Variants in SNTG1 observed in about 807,000 individuals in gnomAD.
SNTG1 encodes gamma-1-syntrophin.
Under a neutral mutation model 74.7 loss-of-function variants are expected in SNTG1, and 39 were observed. That is an observed-to-expected ratio of 0.52 (90% CI 0.40 to 0.68). SNTG1 has a LOEUF of 0.68. SNTG1 is among the 30% of genes least tolerant of loss of function. The probability of loss-of-function intolerance (pLI) is 0.00; values close to 1 mark genes in which losing one functional copy is unlikely to be tolerated. For synonymous variants in SNTG1, 254 were observed against 217.1 expected, an observed-to-expected ratio of 1.17 and a Z score of -1.49; for missense variants, 685 against 609.5, an observed-to-expected ratio of 1.12 and a Z score of -1.30.
intron 17 of SNTG1, 182 bp downstream of exon 17, chr8:50,709,160 AACATATGTAGTACC>A: frequency 1.7e-6 from 1 of 579,808 alleles, no homozygotes; most frequent in Non-Finnish European, 3.1e-6. Context: ...TTTTTAATAA[AACATATGTAGTACC>A]ACAAAACTAT....
chr8:50,513,188 C>A (rs927924567), intron 9 of SNTG1, among the ~76,000 whole-genome samples: 1 of 152,196 alleles, frequency 6.6e-6, no homozygotes, highest in Non-Finnish European at 1.5e-5. Flanking sequence ...CCACTCCAGA[C>A]CCTGTTTGCC....
intron 2 of SNTG1, among the ~76,000 whole-genome samples, chr8:50,234,386 G>A (rs969804831): frequency 6.6e-6 from 1 of 151,852 alleles, no homozygotes; most frequent in Non-Finnish European, 1.5e-5. Context: ...AGGGGTGTGT[G>A]TGTAACTATA....
chr8:50,155,136 T>C (rs2082212629), intron 1 of SNTG1, among the ~76,000 whole-genome samples: 1 of 152,208 alleles, frequency 6.6e-6, no homozygotes, highest in South Asian at 2.1e-4. Context: ...CCACCATGCT[T>C]GAAACAAAGT....
At chr8:50,025,020 C>A (rs927740574) in intron 1 of SNTG1, among the ~76,000 whole-genome samples, 1 of 152,038 alleles carries the variant, frequency 6.6e-6, no homozygotes, top group Non-Finnish European at 1.5e-5. Flanking sequence ...AAAACCTTAG[C>A]AAGTGAAACT....
intron 10 of SNTG1, among the ~76,000 whole-genome samples, chr8:50,530,600 T>G (rs180720348): frequency 5.9e-4 from 90 of 152,322 alleles, no homozygotes; most frequent in Admixed American, 9.8e-4. Flanking sequence ...TTTTTTCTTT[T>G]GAAATTACTT....
At chr8:50,356,842 A>G (rs1326864830) in intron 2 of SNTG1, among the ~76,000 whole-genome samples, 1 of 152,170 alleles carries the variant, frequency 6.6e-6, no homozygotes, top group Non-Finnish European at 1.5e-5. Flanking sequence ...TTCATAATGT[A>G]GAAATAACTC....
chr8:49,952,744 C>A (rs1042295068), intron 1 of SNTG1, among the ~76,000 whole-genome samples: 2 of 152,154 alleles, frequency 1.3e-5, no homozygotes, highest in African/African-American at 4.8e-5. Context: ...CAGATAGATG[C>A]TGGCAGATTT....
chr8:50,413,741 C>T (rs994360533), intron 4 of SNTG1, among the ~76,000 whole-genome samples: 4 of 152,264 alleles, frequency 2.6e-5, no homozygotes, highest in South Asian at 4.1e-4. Flanking sequence ...CATTTTCTTA[C>T]GTTTTTTCAT....
At chr8:50,570,184 A>G (rs1267386949) in intron 12 of SNTG1, among the ~76,000 whole-genome samples, 5 of 144,826 alleles carry the variant, frequency 3.5e-5, no homozygotes, top group Non-Finnish European at 7.7e-5. Flanking sequence ...TCCTTCGGAT[A>G]TATACTCACT....
chr8:50,340,445 C>T (rs1473040485), intron 2 of SNTG1, among the ~76,000 whole-genome samples: 1 of 151,894 alleles, frequency 6.6e-6, no homozygotes, highest in African/African-American at 2.4e-5. Flanking sequence ...TTGATCTTGA[C>T]AAAGGAGCAA....
chr8:50,097,593 A>G (rs547244553), intron 1 of SNTG1, among the ~76,000 whole-genome samples: 106 of 150,106 alleles, frequency 7.1e-4, no homozygotes, highest in African/African-American at 2.2e-3. Context: ...CGGAGCTTGC[A>G]GTGAGCGGAG....
At chr8:50,206,936 AC>A (rs2084271076) in intron 2 of SNTG1, among the ~76,000 whole-genome samples, 1 of 152,120 alleles carries the variant, frequency 6.6e-6, no homozygotes, top group East Asian at 1.9e-4. Context: ...GTGATGGATA[AC>A]CTTTTTGACG....
At chr8:50,671,286 C>A (rs2095281115) in intron 15 of SNTG1, among the ~76,000 whole-genome samples, 1 of 151,788 alleles carries the variant, frequency 6.6e-6, no homozygotes, top group East Asian at 1.9e-4. Context: ...ATTTTTGCAA[C>A]CTACTCATCT....
intron 13 of SNTG1, among the ~76,000 whole-genome samples, chr8:50,654,473 A>G (rs948112452): frequency 6.6e-6 from 1 of 152,142 alleles, no homozygotes; most frequent in Non-Finnish European, 1.5e-5. Flanking sequence ...TCAATTTTGT[A>G]TCTTATATTC....
At chr8:50,781,380 G>A (rs927994694) in intron 18 of SNTG1, among the ~76,000 whole-genome samples, 2 of 152,198 alleles carry the variant, frequency 1.3e-5, no homozygotes, top group African/African-American at 4.8e-5. Flanking sequence ...TTATGAATCT[G>A]GGTGCTCCTG....
At chr8:50,056,842 C>T (rs577622276) in intron 1 of SNTG1, among the ~76,000 whole-genome samples, 1 of 152,172 alleles carries the variant, frequency 6.6e-6, no homozygotes, top group Non-Finnish European at 1.5e-5. Context: ...GGACACTGGG[C>T]TGCATTTGTT....
At chr8:50,783,777 T>C (rs4358812) in intron 18 of SNTG1, among the ~76,000 whole-genome samples, 66,204 of 152,038 alleles carry the variant, frequency 0.44, 16,669 homozygotes, top group African/African-American at 0.7. Context: ...CAGAAATCAC[T>C]GGTCTTCTGC....
intron 3 of SNTG1, among the ~76,000 whole-genome samples, chr8:50,399,032 T>C (rs781451165): frequency 6.6e-6 from 1 of 152,248 alleles, no homozygotes; most frequent in Non-Finnish European, 1.5e-5. Flanking sequence ...TGCTGCACAG[T>C]ATTTGCAAAA....
At chr8:50,769,831 G>C (rs941517260) in intron 18 of SNTG1, among the ~76,000 whole-genome samples, 1 of 151,972 alleles carries the variant, frequency 6.6e-6, no homozygotes, top group South Asian at 2.1e-4. Flanking sequence ...ATTTAAAAGA[G>C]ATAAAGCAAA....
Sources: gnomAD v4.1 joint callset for allele counts (sites outside exome capture counted in the v4.1 genomes callset) on GRCh38, gnomAD v4.1.1 for gene constraint, MANE v1.5 for transcripts, NCBI Gene and HGNC (gene_info 2026-07-23, HGNC 2026-07-21) for gene names.